The following PARG variants were observed in gnomAD, a reference collection of about 807,000 sequenced individuals.
The protein encoded by PARG is mitochondrial poly(ADP-ribose) glycohydrolase.
Under a neutral mutation model 113.0 loss-of-function variants are expected in PARG, and 35 were observed. The ratio of observed to expected loss-of-function variants is 0.31; its 90% CI spans 0.24 to 0.41. The LOEUF (loss-of-function observed/expected upper bound fraction) is 0.41. Ranked by LOEUF, PARG falls within the 10% of genes least tolerant of loss-of-function variation. PARG has a pLI of 1.00. For synonymous variants in PARG, 330 were observed against 409.9 expected (o/e 0.81, Z 2.36); for missense variants, 797 against 1,169.4 (o/e 0.68, Z 4.64).
At chr10:49,831,765 TTATAATAA>T (rs1844677332) in intron 16 of PARG, among the ~76,000 whole-genome samples, 1 of 152,160 alleles carries the variant, frequency 6.6e-6, no homozygotes, top group East Asian at 1.9e-4. Flanking sequence ...TGTGTCTCCT[TTATAATAA>T]AACTGCAGTG....
chr10:49,937,423 C>G (rs1347792518), intron 1 of PARG, among the ~76,000 whole-genome samples: 1 of 150,230 alleles, frequency 6.7e-6, no homozygotes, highest in Non-Finnish European at 1.5e-5. Flanking sequence ...TTGCAGTGAG[C>G]GGAGATCGCG....
At chr10:49,828,498 T>C (rs577825772) in intron 16 of PARG, among the ~76,000 whole-genome samples, 3 of 152,212 alleles carry the variant, frequency 2.0e-5, no homozygotes, top group Non-Finnish European at 4.4e-5. Flanking sequence ...GGGAGCCCCT[T>C]TGGTGGCACA....
intron 4 of PARG, among the ~76,000 whole-genome samples, chr10:49,925,490 G>A (rs148073612): frequency 4.5e-3 from 690 of 152,196 alleles, no homozygotes; most frequent in East Asian, 0.018. Context: ...ATTGATTGAC[G>A]TCTTATACCT....
chr10:49,938,145 T>A, intron 1 of PARG, among the ~76,000 whole-genome samples: 1 of 152,356 alleles, frequency 6.6e-6, no homozygotes, highest in Admixed American at 6.5e-5. Flanking sequence ...TAGTACCACC[T>A]TGGTCCAGTT....
intron 4 of PARG, among the ~76,000 whole-genome samples, chr10:49,923,468 A>G (rs1426494018): frequency 1.3e-5 from 2 of 152,128 alleles, no homozygotes; most frequent in Admixed American, 6.5e-5. Flanking sequence ...AAATATATAT[A>G]TACACACATA....
At chr10:49,894,872 T>G (rs1165613736) in intron 7 of PARG, among the ~76,000 whole-genome samples, 3 of 152,210 alleles carry the variant, frequency 2.0e-5, no homozygotes, top group Non-Finnish European at 4.4e-5. Flanking sequence ...CAGTTGTTGG[T>G]AGTATCACGC....
At chr10:49,888,794 T>C (rs1300179176) in intron 7 of PARG, among the ~76,000 whole-genome samples, 1 of 152,200 alleles carries the variant, frequency 6.6e-6, no homozygotes, top group African/African-American at 2.4e-5. Context: ...AGCCATTATT[T>C]CTTTGAATAT....
intron 13 of PARG, among the ~76,000 whole-genome samples, chr10:49,850,403 A>G (rs1845706336): frequency 6.6e-6 from 1 of 151,524 alleles, no homozygotes; most frequent in Non-Finnish European, 1.5e-5. Context: ...GGGAAACTAA[A>G]TAAGACAAGT....
chr10:49,888,352 C>CT (rs558069520), intron 7 of PARG, among the ~76,000 whole-genome samples: 290 of 151,742 alleles, frequency 1.9e-3, no homozygotes, highest in African/African-American at 6.6e-3. Context: ...TCCATGATTC[C>CT]TTTTTTTTAT....
chr10:49,893,756 C>T (rs4285799), intron 7 of PARG, among the ~76,000 whole-genome samples: 29,699 of 151,252 alleles, frequency 0.2, 3,386 homozygotes, highest in Non-Finnish European at 0.27. Context: ...TGCAGTGGCG[C>T]GATCTTGGCT....
chr10:49,901,940 G>A (rs1425077383), intron 7 of PARG, among the ~76,000 whole-genome samples: 3 of 152,254 alleles, frequency 2.0e-5, no homozygotes, highest in East Asian at 3.9e-4. Context: ...CTATATCTGT[G>A]CTGTCCAGGA....
chr10:49,913,511 T>C (rs1180323120), intron 7 of PARG, among the ~76,000 whole-genome samples: 1 of 152,176 alleles, frequency 6.6e-6, no homozygotes, highest in African/African-American at 2.4e-5. Flanking sequence ...ACATCATATA[T>C]ATGGGCAAAG....
Position 49,922,291 on chromosome 10 carries a change from A to C in PARG, c.1662+45T>G, listed in dbSNP as rs1554849464. On this transcript the variant is annotated intron_variant, in intron 6 of 17. Coordinates refer to ENST00000616448, the MANE Select transcript of PARG (RefSeq NM_003631.5). ...AAGACCAAAAAGTCTTTGAAAGAGG[A>C]GACACAGGGCCCATAAACAGGCAAG... 4.5e-6 allele frequency: 7 copies of C among 1,559,526 alleles called. 1 individual carries two copies. In the South Asian group the frequency reaches 8.3e-5, roughly 19 times the overall value.
At chr10:49,838,874 C>T (rs964843921) in intron 15 of PARG, among the ~76,000 whole-genome samples, 5 of 152,168 alleles carry the variant, frequency 3.3e-5, no homozygotes, top group South Asian at 2.1e-4. Flanking sequence ...CTTCACATGG[C>T]TTCATCTGTC....
At chr10:49,879,527 G>A (rs1847114240) in intron 9 of PARG, 146 bp downstream of exon 9, 3 of 540,866 alleles carry the variant, frequency 5.5e-6, no homozygotes, top group African/African-American at 3.9e-5. Flanking sequence ...CTGCAAAATG[G>A]TGAAAATGTC....
intron 15 of PARG, among the ~76,000 whole-genome samples, chr10:49,840,413 C>T: frequency 6.7e-6 from 1 of 149,398 alleles, no homozygotes; most frequent in East Asian, 2.0e-4. Flanking sequence ...ACAAAAAACA[C>T]AACAAAAAAA....
At position 49,819,304 on chromosome 10, in the gene PARG, G is replaced by C; in HGVS notation, c.*36C>G. 2.0e-6 allele frequency: 3 copies of C among 1,526,724 alleles called. No homozygotes were observed. Among genetic ancestry groups the C allele is most frequent in the Non-Finnish European group, 2.7e-6 (3 of 1,128,986 alleles). 94.6% of individuals were successfully genotyped at this position (1,526,724 alleles called of 1,614,324 possible). ...TGACAGCTCAAACAGGACGTCTCTG[G>C]TGGGAGGTGGGAGGAGATGCTATTC... is the stretch of plus-strand genomic sequence containing the variant. On this transcript the variant is annotated 3_prime_UTR_variant, in exon 18 of 18. Coordinates refer to ENST00000616448, the MANE Select transcript of PARG (RefSeq NM_003631.5).
At chr10:49,844,819 A>C (rs1845428582) in intron 13 of PARG, among the ~76,000 whole-genome samples, 1 of 152,176 alleles carries the variant, frequency 6.6e-6, no homozygotes, top group Admixed American at 6.5e-5. Flanking sequence ...ATGTTTAGAC[A>C]AGACTGGAGA....
At position 49,826,603 on chromosome 10, in the gene PARG, T is replaced by TTA. The variant is rs1189259606; in HGVS notation, c.2647+6198_2647+6199dup. Among the ~76,000 whole-genome samples the TTA allele has an allele frequency of 6.6e-5, 10 of 152,302 alleles. No homozygotes were observed. The East Asian group carries it at 1.9e-3, about 29-fold the overall frequency. On this transcript the variant is annotated intron_variant, in intron 16 of 17. Transcript: ENST00000616448. The stretch of plus-strand genomic sequence containing the variant: ...AATGGACATAAGGTCTGAAAGAAAT[T>TTA]TATAAAAAGTTTCTATATCTCAGAA...
Sources: allele counts gnomAD v4.1 joint callset (sites outside exome capture counted in the v4.1 genomes callset), GRCh38; gene constraint gnomAD v4.1.1; transcripts MANE v1.5; gene names NCBI Gene and HGNC (gene_info 2026-07-23, HGNC 2026-07-21).